TMEM131: variants seen among roughly 807,000 people sequenced by gnomAD.
TMEM131 encodes the protein 2610524E03Rik.
A neutral mutation model predicts 211.6 loss-of-function variants in TMEM131; 66 were observed. The observed-to-expected ratio is 0.31, with a 90% CI of 0.26 to 0.38. The LOEUF is 0.38. Among genes scored for constraint, TMEM131 ranks in the 10% least tolerant of loss-of-function variants. The pLI is 1.00. For missense variants in TMEM131, 2,036 were observed against 2,299.3 expected, an observed-to-expected ratio of 0.89 and a Z score of 2.34; for synonymous variants, 844 against 841.3, an observed-to-expected ratio of 1.00 and a Z score of -0.06.
At chr2:97,888,180 C>G in intron 3 of TMEM131, 60 bp from the exon 4 acceptor site, 1 of 1,430,502 alleles carries the variant, frequency 7.0e-7, no homozygotes, top group Non-Finnish European at 9.6e-7. Flanking sequence ...TTTCCCCAAA[C>G]TCTATTCAGA....
chr2:97,894,039 T>C (rs926400841), intron 3 of TMEM131, among the ~76,000 whole-genome samples: 1 of 152,270 alleles, frequency 6.6e-6, no homozygotes, highest in Non-Finnish European at 1.5e-5. Flanking sequence ...TTAATCCATC[T>C]TGAGATAATT....
chr2:97,913,973 C>T (rs1472798095), intron 2 of TMEM131, among the ~76,000 whole-genome samples: 2 of 152,140 alleles, frequency 1.3e-5, no homozygotes, highest in Admixed American at 1.3e-4. Flanking sequence ...ATACTTCCTC[C>T]AGGACTGGGT....
intron 5 of TMEM131, 83 bp downstream of exon 5, chr2:97,859,221 A>T (rs1228267019): frequency 3.5e-6 from 5 of 1,411,088 alleles, no homozygotes; most frequent in Non-Finnish European, 4.8e-6. Context: ...CCCAATTCTA[A>T]TCACAGCAAG....
intron 11 of TMEM131, among the ~76,000 whole-genome samples, chr2:97,825,710 C>CA (rs1439108623): frequency 2.6e-5 from 4 of 152,202 alleles, no homozygotes; most frequent in African/African-American, 9.7e-5. Flanking sequence ...AGTCCTTACT[C>CA]AGACTCGTGG....
intron 3 of TMEM131, among the ~76,000 whole-genome samples, chr2:97,893,197 C>T (rs1675456694): frequency 6.6e-6 from 1 of 152,180 alleles, no homozygotes; most frequent in Non-Finnish European, 1.5e-5. Flanking sequence ...CAGCTTCATC[C>T]ATGTCCCTGC....
chr2:97,877,628 G>A (rs981394084), intron 4 of TMEM131, among the ~76,000 whole-genome samples: 1 of 152,180 alleles, frequency 6.6e-6, no homozygotes, highest in African/African-American at 2.4e-5. Flanking sequence ...TTTAATAAAT[G>A]GTGTTGGGAA....
At chr2:97,937,995 C>A (rs1036403235) in intron 1 of TMEM131, among the ~76,000 whole-genome samples, 1 of 152,110 alleles carries the variant, frequency 6.6e-6, no homozygotes, top group Admixed American at 6.5e-5. Flanking sequence ...TCTGTCACCA[C>A]CAGGCCTGCC....
At position 97,965,486 on chromosome 2, in the gene TMEM131, T is replaced by C. The variant is rs547243226; in HGVS notation, c.187+29990A>G. ...TGGACTCGGGGTACCCGCCAGGTGG[T>C]GTGGGGCTGGTTTCTCCAACATTTT... On this transcript the variant is annotated intron_variant, in intron 1 of 40. Transcript: ENST00000186436. Among the ~76,000 whole-genome samples the C allele has an allele frequency of 1.1e-4, 16 of 152,286 alleles. No homozygotes were observed. In the South Asian group the frequency reaches 2.5e-3, roughly 24 times the overall value.
At chr2:97,898,299 C>A (rs532112554) in intron 3 of TMEM131, among the ~76,000 whole-genome samples, 34 of 152,178 alleles carry the variant, frequency 2.2e-4, no homozygotes, top group Middle Eastern at 6.8e-3. Context: ...TTAAATACTG[C>A]TTTGGCTAAA....
chr2:97,779,405 C>T (rs1679889108), intron 31 of TMEM131, among the ~76,000 whole-genome samples: 1 of 152,234 alleles, frequency 6.6e-6, no homozygotes, highest in African/African-American at 2.4e-5. Context: ...CTCTGCCTCC[C>T]GCTTGCCCCT....
chr2:97,971,982 T>A (rs1473501444), intron 1 of TMEM131, among the ~76,000 whole-genome samples: 1 of 152,048 alleles, frequency 6.6e-6, no homozygotes, highest in Non-Finnish European at 1.5e-5. Flanking sequence ...CCAAGCTGGG[T>A]GGATCACTTG....
At chr2:97,946,475 A>T (rs1678049133) in intron 1 of TMEM131, among the ~76,000 whole-genome samples, 1 of 152,032 alleles carries the variant, frequency 6.6e-6, no homozygotes, top group Admixed American at 6.6e-5. Flanking sequence ...AATATAATTA[A>T]CAACTCTCAG....
intron 11 of TMEM131, among the ~76,000 whole-genome samples, chr2:97,831,319 T>C (rs1181204491): frequency 6.6e-6 from 1 of 152,242 alleles, no homozygotes; most frequent in African/African-American, 2.4e-5. Flanking sequence ...CAGAGAGCCC[T>C]GATAAACAGT....
intron 11 of TMEM131, among the ~76,000 whole-genome samples, chr2:97,819,779 T>C (rs988907781): frequency 1.3e-5 from 2 of 152,208 alleles, no homozygotes; most frequent in Non-Finnish European, 2.9e-5. Context: ...CTGTGAGACT[T>C]ATCAGGCAAG....
rs1167912602 is a variant in TMEM131, at chr2:97,760,696, C to T, written c.5012-7G>A. On this transcript the variant is annotated splice_polypyrimidine_tract_variant and splice_region_variant and intron_variant, in intron 37 of 40. Transcript: ENST00000186436. ...TTAGCAAAGCCATTCCCACCTGTAACAATGGACGTTCAATCAATGGAAGGC... is the reference window on the plus strand; with the variant it reads ...TTAGCAAAGCCATTCCCACCTGTAATAATGGACGTTCAATCAATGGAAGGC... 1 of 1,614,000 alleles carries T rather than the reference C, an allele frequency of 6.2e-7. No individual in the cohort carries two copies. Among genetic ancestry groups the T allele is most frequent in the South Asian group, 1.1e-5 (1 of 91,090 alleles).
chr2:97,888,269 A>T (rs1675242671), intron 3 of TMEM131, 149 bp from the exon 4 acceptor site: 2 of 564,522 alleles, frequency 3.5e-6, no homozygotes, highest in South Asian at 5.7e-5. Context: ...GTCACTTTTT[A>T]AATTAGCAGA....
intron 19 of TMEM131, 82 bp downstream of exon 19, chr2:97,809,606 T>G (rs1681458517): frequency 1.1e-6 from 1 of 887,946 alleles, no homozygotes; most frequent in Non-Finnish European, 1.8e-6. Flanking sequence ...TAACTGACTT[T>G]ACTCTAAGAT....
intron 33 of TMEM131, among the ~76,000 whole-genome samples, chr2:97,771,365 T>C (rs951408770): frequency 6.6e-6 from 1 of 152,214 alleles, no homozygotes; most frequent in Admixed American, 6.5e-5. Flanking sequence ...CCTGAAGCCA[T>C]ATAATCTAGG....
At chr2:97,988,797 T>C (rs1476915507) in intron 1 of TMEM131, among the ~76,000 whole-genome samples, 1 of 152,230 alleles carries the variant, frequency 6.6e-6, no homozygotes, top group African/African-American at 2.4e-5. Flanking sequence ...ATTGGAATCC[T>C]TGTGCATTAT....
Sources: gnomAD v4.1 joint callset for allele counts (sites outside exome capture counted in the v4.1 genomes callset) on GRCh38, gnomAD v4.1.1 for gene constraint, MANE v1.5 for transcripts, NCBI Gene and HGNC (gene_info 2026-07-23, HGNC 2026-07-21) for gene names.